Variants in ITGA6 observed in about 807,000 individuals in gnomAD.
The protein encoded by ITGA6 is integrin subunit alpha 6.
ITGA6 carries 63 observed loss-of-function variants against 133.6 expected under a neutral mutation model. The observed-to-expected ratio is 0.47, with a 90% CI of 0.38 to 0.58. The LOEUF (loss-of-function observed/expected upper bound fraction) is 0.58. ITGA6 is among the 20% of genes least tolerant of loss of function. The pLI is 0.00. For missense variants in ITGA6, 1,068 were observed against 1,309.4 expected, an observed-to-expected ratio of 0.82 and a Z score of 2.85; for synonymous variants, 434 against 482.0, an observed-to-expected ratio of 0.90 and a Z score of 1.30.
At chr2:172,474,659 T>C (rs752500963) in intron 6 of ITGA6, among the ~76,000 whole-genome samples, 3 of 152,120 alleles carry the variant, frequency 2.0e-5, no homozygotes, top group East Asian at 1.9e-4. Context: ...TTGGTGCCAG[T>C]TGGGGGGGTT....
intron 1 of ITGA6, among the ~76,000 whole-genome samples, chr2:172,431,482 A>G (rs899017251): frequency 1.3e-5 from 2 of 152,172 alleles, no homozygotes; most frequent in Non-Finnish European, 2.9e-5. Context: ...GACTCTTACT[A>G]TTGACTCTAT....
chr2:172,445,371 C>T (rs1291909950), intron 1 of ITGA6, among the ~76,000 whole-genome samples: 1 of 145,216 alleles, frequency 6.9e-6, no homozygotes, highest in Admixed American at 6.8e-5. Flanking sequence ...AAAAAAAGGC[C>T]GGGCGCGGTG....
At chr2:172,453,355 C>G (rs1007801708) in intron 1 of ITGA6, among the ~76,000 whole-genome samples, 1 of 151,960 alleles carries the variant, frequency 6.6e-6, no homozygotes, top group Non-Finnish European at 1.5e-5. Flanking sequence ...TGTAGAACCC[C>G]GTCTCTACTA....
At chr2:172,457,635 A>T (rs2149026744) in intron 1 of ITGA6, among the ~76,000 whole-genome samples, 1 of 152,334 alleles carries the variant, frequency 6.6e-6, no homozygotes, top group East Asian at 1.9e-4. Context: ...GCCAAAAAAA[A>T]GTTTGGAATG....
rs1684396234 is a variant in ITGA6 at position 172,438,024 on chromosome 2, G to T, written c.182+10054G>T. On this transcript the variant is annotated intron_variant, in intron 1 of 25. Transcript: ENST00000684293. ...AGCAATGCCTAATTGGAGTGGGTTT[G>T]TGAGAGAACAGGAGAGAAGGAATTG... 1.3e-5 allele frequency among the ~76,000 whole-genome samples: 2 copies of T among 151,778 alleles called. 1 individual carries two copies. The highest frequency in any genetic ancestry group is 4.1e-4 in the South Asian group (2 of 4,826).
chr2:172,428,146 G>A (rs984009625), intron 1 of ITGA6, 176 bp downstream of exon 1: 64 of 384,316 alleles, frequency 1.7e-4, no homozygotes, highest in Non-Finnish European at 2.3e-4. Flanking sequence ...GACCCGCCCC[G>A]CGCGGCGCCT....
At chr2:172,449,427 G>A (rs1372751179) in intron 1 of ITGA6, among the ~76,000 whole-genome samples, 4 of 152,108 alleles carry the variant, frequency 2.6e-5, no homozygotes, top group Non-Finnish European at 4.4e-5. Context: ...TTTATTGAAT[G>A]CCAAGGATAT....
intron 1 of ITGA6, among the ~76,000 whole-genome samples, chr2:172,451,885 G>C (rs1685017715): frequency 6.6e-6 from 1 of 152,006 alleles, no homozygotes; most frequent in African/African-American, 2.4e-5. Flanking sequence ...AGGGACAGAG[G>C]GGAGTGGTGG....
intron 1 of ITGA6, among the ~76,000 whole-genome samples, chr2:172,456,418 T>C (rs1480453674): frequency 1.3e-5 from 2 of 152,228 alleles, no homozygotes; most frequent in Admixed American, 1.3e-4. Context: ...CAGTCAGGTT[T>C]CTTTGCCAGC....
At chr2:172,503,975 TTTCCCC>T (rs1687454997) in intron 25 of ITGA6, 110 bp from the exon 26 acceptor site, 1 of 696,030 alleles carries the variant, frequency 1.4e-6, no homozygotes, top group Non-Finnish European at 2.2e-6. Context: ...ACCATGTCTT[TTTCCCC>T]TTAGTCCAGA....
intron 1 of ITGA6, among the ~76,000 whole-genome samples, chr2:172,450,834 A>AAT (rs141518780): frequency 2.0e-3 from 285 of 144,784 alleles, no homozygotes; most frequent in African/African-American, 7.0e-3. Context: ...ATATATATAA[A>AAT]ATATATATAT....
Position 172,472,998 on chromosome 2 carries a change from T to C in ITGA6, c.776-1057T>C, listed in dbSNP as rs145050094. ...CTTTTTATGCCCTATTTTGTTTCCA[T>C]TGAAGCACACACAAAAAGCATGCCA... On this transcript the variant is annotated intron_variant, in intron 5 of 25. Transcript: ENST00000684293. The C allele has an allele frequency of 3.8e-3, 2,655 of 699,152 alleles. 58 individuals carry two copies. In the African/African-American group the frequency reaches 0.041, roughly 11 times the overall value. 43.3% of individuals were successfully genotyped at this position (699,152 alleles called of 1,614,324 possible). A position where few individuals can be genotyped will look rare whatever the true frequency, so the allele number is the denominator to read the frequency against.
chr2:172,495,585 A>G (rs987068013), intron 23 of ITGA6: 2 of 152,320 alleles, frequency 1.3e-5, no homozygotes, highest in African/African-American at 2.4e-5. Flanking sequence ...CAAACAACCA[A>G]TAAAGTCTTC....
chr2:172,445,351 T>TTA (rs1684716583), intron 1 of ITGA6, among the ~76,000 whole-genome samples: 1 of 134,722 alleles, frequency 7.4e-6, no homozygotes, highest in African/African-American at 2.7e-5. Context: ...TTTTTTTTTT[T>TTA]AACAAAAAAA....
intron 1 of ITGA6, among the ~76,000 whole-genome samples, chr2:172,431,114 C>T (rs1422191214): frequency 6.6e-6 from 1 of 152,146 alleles, no homozygotes; most frequent in East Asian, 1.9e-4. Context: ...TGCTCCAGGC[C>T]CGCGGTCTGT....
In ITGA6 at chr2:172,474,116, T is replaced by C. The variant is rs890527081; in HGVS notation, c.837T>C (p.Gly279=). Residue 279 remains glycine (G), a synonymous_variant, in exon 6 of 26, where the codon GGT becomes GGC. Transcript: ENST00000684293. ...AAGATGAGATCACTTTTGTATCTGGTGCTCCCAGAGCCAATCACAGTGGAG... is the reference window on the plus strand; with the variant it reads ...AAGATGAGATCACTTTTGTATCTGGCGCTCCCAGAGCCAATCACAGTGGAG... The part of the protein sequence containing the change: ...VSKDEITFVS[G]APRANHSGAV... 6.2e-7 allele frequency: 1 copy of C among 1,614,014 alleles called. No individual in the cohort carries two copies. The highest frequency in any genetic ancestry group is 1.3e-5 in the African/African-American group (1 of 75,032).
chr2:172,496,448 G>A (rs1426998201), intron 23 of ITGA6, among the ~76,000 whole-genome samples: 2 of 152,156 alleles, frequency 1.3e-5, no homozygotes, highest in African/African-American at 2.4e-5. Context: ...AGTATTTTTT[G>A]TAAGTCAGGT....
At chr2:172,457,295 C>CAAAAAAAAAAAAA (rs71403305) in intron 1 of ITGA6, among the ~76,000 whole-genome samples, 5 of 79,310 alleles carry the variant, frequency 6.3e-5, no homozygotes, top group African/African-American at 2.5e-4. Context: ...ATTCTGTCTC[C>CAAAAAAAAAAAAA]AAAAAAAAAA....
Position 172,427,751 on chromosome 2 carries a change from C to T in ITGA6, c.-38C>T, listed in dbSNP as rs778467787. The T allele has an allele frequency of 2.6e-6, 4 of 1,532,480 alleles. No homozygotes were observed. The highest frequency in any genetic ancestry group is 4.1e-5 in the Admixed American group (2 of 49,108). 94.9% of individuals were successfully genotyped at this position (1,532,480 alleles called of 1,614,324 possible). A position where few individuals can be genotyped will look rare whatever the true frequency, so the allele number is the denominator to read the frequency against. On this transcript the variant is annotated 5_prime_UTR_variant, in exon 1 of 26. Transcript: ENST00000684293. ...GACCCAGCCCGGAGCGCAGGGCGGC[C>T]GCTGCAGGTCCCCGCTCCCCTCCCC...
Sources: gnomAD v4.1 joint callset for allele counts (sites outside exome capture counted in the v4.1 genomes callset) on GRCh38, gnomAD v4.1.1 for gene constraint, MANE v1.5 for transcripts, NCBI Gene and HGNC (gene_info 2026-07-23, HGNC 2026-07-21) for gene names.